The following DPEP1 variants were observed in gnomAD, a reference collection of about 807,000 sequenced individuals.
The protein encoded by DPEP1 is beta-lactamase.
DPEP1 carries 50 observed loss-of-function variants against 42.3 expected under a neutral mutation model. That is an observed-to-expected ratio of 1.18 (90% CI 0.94 to 1.50). DPEP1 has a LOEUF of 1.50. DPEP1 is among the 40% of genes most tolerant of loss of function. The pLI is 0.00. For missense variants in DPEP1, 663 were observed against 553.0 expected, an observed-to-expected ratio of 1.20 and a Z score of -1.99; for synonymous variants, 297 against 234.0, an observed-to-expected ratio of 1.27 and a Z score of -2.46.
chr16:89,634,314 C>G (rs1265099912), intron 2 of DPEP1, among the ~76,000 whole-genome samples: 3 of 152,078 alleles, frequency 2.0e-5, no homozygotes, highest in Non-Finnish European at 4.4e-5. Flanking sequence ...ATCTCGATCT[C>G]CTGACCTTGT....
chr16:89,631,914 C>T (rs1481214277), intron 2 of DPEP1, among the ~76,000 whole-genome samples: 3 of 152,064 alleles, frequency 2.0e-5, no homozygotes. Context: ...GAGGGTGGTC[C>T]CTGCATCCTC....
At chr16:89,628,111 A>G (rs2059539833) in intron 1 of DPEP1, among the ~76,000 whole-genome samples, 1 of 151,170 alleles carries the variant, frequency 6.6e-6, no homozygotes, top group Non-Finnish European at 1.5e-5. Context: ...TTTGGTAGAG[A>G]CGGGGTTTCA....
chr16:89,616,119 G>A (rs962000157), intron 1 of DPEP1, among the ~76,000 whole-genome samples: 10 of 151,650 alleles, frequency 6.6e-5, no homozygotes, highest in African/African-American at 2.4e-4. Flanking sequence ...CTGAACTCCA[G>A]CTGGGGTGCG....
Position 89,638,113 on chromosome 16 carries a change from C to T in DPEP1, c.1127C>T (p.Ser376Phe), listed in dbSNP as rs1597777499. 1.2e-6 allele frequency: 2 copies of T among 1,612,400 alleles called. No individual in the cohort carries two copies. Among genetic ancestry groups the T allele is most frequent in the Non-Finnish European group, 8.5e-7 (1 of 1,179,828 alleles). The change falls in exon 11 of 11, where the codon TCC becomes TTC. Residue 376 changes from serine (S) to phenylalanine (F), a missense_variant. Transcript: ENST00000690203. ...EPIPLDQLGG[S>F]CRTHYGYSSG... ...ATCCCGCTGGACCAGCTGGGTGGCT[C>T]CTGCAGGACCCATTACGGCTACTCC...
chr16:89,617,305 G>C (rs530310160), intron 1 of DPEP1, among the ~76,000 whole-genome samples: 1 of 152,106 alleles, frequency 6.6e-6, no homozygotes, highest in East Asian at 1.9e-4. Context: ...AGGTAGGCAG[G>C]CACCAAGGCC....
chr16:89,639,117 T>A (rs1167659604), downstream of DPEP1, among the ~76,000 whole-genome samples: 2 of 8,682 alleles, frequency 2.3e-4, no homozygotes, highest in Non-Finnish European at 2.0e-4. Context: ...CCCTGCACAT[T>A]CACATCCCAC....
intron 1 of DPEP1, among the ~76,000 whole-genome samples, chr16:89,617,338 A>G (rs370145529): frequency 4.5e-4 from 68 of 152,196 alleles, no homozygotes; most frequent in African/African-American, 1.5e-3. Context: ...AGGTGAGGGG[A>G]AAAGCGCTCC....
chr16:89,622,762 T>A (rs1238552791), intron 1 of DPEP1, among the ~76,000 whole-genome samples: 1 of 147,728 alleles, frequency 6.8e-6, no homozygotes, highest in Admixed American at 6.8e-5. Flanking sequence ...CCAGCCTGGG[T>A]GACACAGTGA....
chr16:89,639,271 C>T (rs1402217291), downstream of DPEP1, among the ~76,000 whole-genome samples: 1 of 45,330 alleles, frequency 2.2e-5, no homozygotes. Context: ...CACCCCCACC[C>T]CTGCACGCAC....
chr16:89,632,236 A>T (rs929260303), intron 2 of DPEP1, among the ~76,000 whole-genome samples: 1 of 152,040 alleles, frequency 6.6e-6, no homozygotes, highest in African/African-American at 2.4e-5. Flanking sequence ...TATTTTTAGT[A>T]GAGACAGGGT....
At position 89,637,644 on chromosome 16, in the gene DPEP1, A is replaced by G. The variant is rs768743437; in HGVS notation, c.866A>G (p.His289Arg). 6.2e-7 allele frequency: 1 copy of G among 1,612,982 alleles called. No homozygotes were observed. Among genetic ancestry groups the G allele is most frequent in the East Asian group, 2.2e-5 (1 of 44,882 alleles). ...GCTCCCTGGACAGACCATCTGGATC[A>G]CATCAAGGAGGTGGCAGGAGCCAGA... ...NLSQVADHLD[H>R]IKEVAGARAV... Residue 289 changes from histidine to arginine, a missense_variant, in exon 9 of 11, where the codon CAC becomes CGC. By Grantham distance (29) the His-to-Arg change is conservative (BLOSUM62 0). Transcript: ENST00000690203.
Position 89,637,223 on chromosome 16 carries a change from A to G in DPEP1, c.611A>G (p.Asn204Ser). 2 of 1,612,506 alleles carry G rather than the reference A, an allele frequency of 1.2e-6. No individual in the cohort carries two copies. The highest frequency in any genetic ancestry group is 1.3e-5 in the African/African-American group (1 of 75,026). Residue 204 changes from asparagine to serine, a missense_variant, in exon 7 of 11, where the codon AAC becomes AGC. Physicochemically the swap from Asn to Ser is conservative, Grantham distance 46. Transcript: ENST00000690203. ...TCCCAGCGTGTGGTGAAGGAGCTGA[A>G]CCGTCTGGGGGTCCTCATCGACTTG... ...PFGQRVVKEL[N>S]RLGVLIDLAH...
intron 1 of DPEP1, among the ~76,000 whole-genome samples, chr16:89,621,272 G>A (rs1468868295): frequency 6.6e-6 from 1 of 151,638 alleles, no homozygotes; most frequent in Admixed American, 6.6e-5. Flanking sequence ...GGGCTGTGGG[G>A]GATCAGAGTG....
At chr16:89,629,574 A>G (rs375873051) in intron 1 of DPEP1, among the ~76,000 whole-genome samples, 2 of 121,344 alleles carry the variant, frequency 1.6e-5, no homozygotes, top group South Asian at 5.6e-4. Flanking sequence ...GTTTAGCCCC[A>G]GTGCTCAGCC....
rs775708404 is a variant in DPEP1 at position 89,635,899 on chromosome 16, A to C, written c.105-9A>C. The C allele has an allele frequency of 2.6e-5, 42 of 1,588,590 alleles. No individual in the cohort carries two copies. The highest frequency in any genetic ancestry group is 3.3e-5 in the Non-Finnish European group (39 of 1,166,874). ...CCTGACTGCCTGGCCTCTCCCCGGCAAACTCCAGGCACAATGACCTCCCCT... is the reference window on the plus strand; with the variant it reads ...CCTGACTGCCTGGCCTCTCCCCGGCCAACTCCAGGCACAATGACCTCCCCT... On this transcript the variant is annotated splice_polypyrimidine_tract_variant and intron_variant, in intron 2 of 10. Coordinates refer to ENST00000690203, the MANE Select transcript of DPEP1 (RefSeq NM_001389466.1).
At chr16:89,622,463 G>A (rs1397071258) in intron 1 of DPEP1, among the ~76,000 whole-genome samples, 3 of 152,180 alleles carry the variant, frequency 2.0e-5, no homozygotes, top group Non-Finnish European at 2.9e-5. Context: ...TCCTGTCCAC[G>A]AAGGTGAGAG....
intron 1 of DPEP1, among the ~76,000 whole-genome samples, chr16:89,629,984 GC>G (rs1567986690): frequency 6.6e-6 from 1 of 152,144 alleles, no homozygotes; most frequent in East Asian, 1.9e-4. Context: ...GCAGATCTAG[GC>G]CCCCGGGTCC....
intron 1 of DPEP1, chr16:89,620,582 G>A (rs1017732070): frequency 6.6e-6 from 1 of 152,230 alleles, no homozygotes; most frequent in Non-Finnish European, 1.5e-5. Context: ...GCTTTAGCCC[G>A]GCTCTCCCTG....
chr16:89,638,569 A>G (rs79283723), downstream of DPEP1: 55,785 of 966,538 alleles, frequency 0.058, 1,800 homozygotes, highest in South Asian at 0.069. Flanking sequence ...AGGAGGTGTG[A>G]AAAGGGCTTT....
Sources: gnomAD v4.1 joint callset for allele counts (sites outside exome capture counted in the v4.1 genomes callset) on GRCh38, gnomAD v4.1.1 for gene constraint, MANE v1.5 for transcripts, NCBI Gene and HGNC (gene_info 2026-07-23, HGNC 2026-07-21) for gene names.